The following TOP2B variants were observed in gnomAD, a reference collection of about 807,000 sequenced individuals.
TOP2B encodes the protein DNA topoisomerase 2-beta.
In TOP2B, 51 loss-of-function variants were observed where a neutral mutation model predicts 193.5. The ratio of observed to expected loss-of-function variants is 0.26; its 90% CI spans 0.21 to 0.33. The LOEUF is 0.33. Ranked by LOEUF, TOP2B falls within the 10% of genes least tolerant of loss-of-function variation. The pLI, the probability that TOP2B is intolerant of heterozygous loss-of-function variation, is 1.00. For synonymous variants in TOP2B, 634 were observed against 635.7 expected (o/e 1.00, Z 0.04); for missense variants, 1,378 against 1,909.3 (o/e 0.72, Z 5.19).
intron 18 of TOP2B, among the ~76,000 whole-genome samples, chr3:25,626,347 A>G (rs1213859784): frequency 6.6e-6 from 1 of 152,160 alleles, no homozygotes; most frequent in Non-Finnish European, 1.5e-5. Context: ...AAAAGGTTTA[A>G]AAGTTTCAAA....
At chr3:25,657,220 G>C (rs1199838217) in intron 1 of TOP2B, among the ~76,000 whole-genome samples, 6 of 152,164 alleles carry the variant, frequency 3.9e-5, no homozygotes, top group Non-Finnish European at 5.9e-5. Context: ...TTTGTCAGCA[G>C]AAAGTTGTCC....
intron 28 of TOP2B, among the ~76,000 whole-genome samples, chr3:25,611,609 G>A (rs1247618299): frequency 6.6e-6 from 1 of 152,070 alleles, no homozygotes; most frequent in Non-Finnish European, 1.5e-5. Flanking sequence ...TGTTTCCTCA[G>A]CTCTGAACAT....
intron 28 of TOP2B, among the ~76,000 whole-genome samples, chr3:25,610,362 G>A (rs1451064276): frequency 2.6e-5 from 4 of 152,002 alleles, no homozygotes; most frequent in East Asian, 3.9e-4. Flanking sequence ...TATAGAGGCT[G>A]GTACAGCCAT....
chr3:25,611,837 T>C (rs1277787862), intron 28 of TOP2B, among the ~76,000 whole-genome samples: 3 of 152,178 alleles, frequency 2.0e-5, no homozygotes, highest in Non-Finnish European at 4.4e-5. Flanking sequence ...CTCTAATGGA[T>C]TATGATGTAG....
intron 21 of TOP2B, among the ~76,000 whole-genome samples, chr3:25,622,174 C>CAAT (rs1491144244): frequency 1.3e-5 from 2 of 152,094 alleles, no homozygotes; most frequent in Admixed American, 6.5e-5. Flanking sequence ...CACCACTTAG[C>CAAT]ACAGTTTCAT....
In TOP2B at chr3:25,598,111, G is replaced by A. The variant is rs568031133; in HGVS notation, c.*196C>T. 25 of 508,158 alleles carry A rather than the reference G, an allele frequency of 4.9e-5. No individual in the cohort carries two copies. The highest frequency in any genetic ancestry group is 2.8e-4 in the South Asian group (9 of 31,774). The allele number at this position is 508,158 out of a possible 1,614,324, so 31.5% of individuals were successfully genotyped here. On this transcript the variant is annotated 3_prime_UTR_variant, in exon 36 of 36. Coordinates refer to ENST00000264331, the MANE Select transcript of TOP2B (RefSeq NM_001330700.2). ...ATTCTACAAGCCAATCAGACAGTAC[G>A]TGACATTTCAATGAGTAAAAAAGAG... is the stretch of plus-strand genomic sequence containing the variant.
intron 35 of TOP2B, among the ~76,000 whole-genome samples, chr3:25,598,798 C>T (rs1387577514): frequency 6.6e-6 from 1 of 152,076 alleles, no homozygotes; most frequent in African/African-American, 2.4e-5. Context: ...TTCAAGCTGT[C>T]CTACTGGTAA....
chr3:25,640,858 G>A (rs968830656), intron 4 of TOP2B, among the ~76,000 whole-genome samples: 10 of 147,918 alleles, frequency 6.8e-5, no homozygotes, highest in African/African-American at 2.5e-4. Flanking sequence ...CCAGGCTCAA[G>A]CAATCCTCCC....
intron 23 of TOP2B, 118 bp from the exon 24 acceptor site, chr3:25,618,967 C>T: frequency 1.5e-6 from 1 of 681,944 alleles, no homozygotes. Context: ...TGTGTGTGAA[C>T]ACAGACTACC....
chr3:25,642,276 T>G, intron 4 of TOP2B, 46 bp downstream of exon 4: 1 of 1,208,558 alleles, frequency 8.3e-7, no homozygotes, highest in South Asian at 1.4e-5. Flanking sequence ...TTGGGGACTA[T>G]CTGAATAAAA....
At chr3:25,646,491 T>C (rs1703419166) in intron 1 of TOP2B, among the ~76,000 whole-genome samples, 1 of 152,164 alleles carries the variant, frequency 6.6e-6, no homozygotes, top group Admixed American at 6.5e-5. Context: ...CTTGTCTTCT[T>C]AAGAGCAGCA....
In TOP2B at chr3:25,625,455, G is replaced by C. The variant is rs532491251; in HGVS notation, c.2225-652C>G. Among the ~76,000 whole-genome samples, 5 of 152,214 alleles carry C rather than the reference G, an allele frequency of 3.3e-5. No homozygotes were observed. The South Asian group carries it at 1.0e-3, about 32-fold the overall frequency. On this transcript the variant is annotated intron_variant, in intron 18 of 35. Transcript: ENST00000264331. ...TACCATTCTTCTTGCTCTAGGCCAA[G>C]CTTGTCCAACCCGTGGCCCGTGGGC...
At chr3:25,626,324 C>G (rs1575573151) in intron 18 of TOP2B, among the ~76,000 whole-genome samples, 1 of 151,766 alleles carries the variant, frequency 6.6e-6, no homozygotes, top group Non-Finnish European at 1.5e-5. Flanking sequence ...GTTAATTTTC[C>G]TGAAAAACTC....
At chr3:25,645,278 A>G in intron 2 of TOP2B, 22 bp downstream of exon 2, 1 of 1,505,734 alleles carries the variant, frequency 6.6e-7, no homozygotes. Context: ...TCCTAATTTC[A>G]ATCAATTTTA....
At chr3:25,641,531 A>G (rs933290718) in intron 4 of TOP2B, among the ~76,000 whole-genome samples, 23 of 131,072 alleles carry the variant, frequency 1.8e-4, no homozygotes, top group African/African-American at 7.4e-4. Context: ...TTAAAAAAAA[A>G]TGGAGAAAAA....
At position 25,606,117 on chromosome 3, in the gene TOP2B, G is replaced by A. The variant is rs1317130367; in HGVS notation, c.4304C>T (p.Ser1435Phe). ...ATCCTGACTTTTTTTGTCATGCAAA[G>A]ATTTTCTATTAGAAAGAAAATAAAC... ...PGKSKATPEK[S>F]LHDKKSQDFG... Residue 1435 changes from serine (S) to phenylalanine (F), a missense_variant, in exon 32 of 36, where the codon TCT (serine) becomes TTT (phenylalanine). Transcript: ENST00000264331. 5 of 1,471,408 alleles carry A rather than the reference G, an allele frequency of 3.4e-6. No homozygotes were observed. Among genetic ancestry groups the A allele is most frequent in the Non-Finnish European group, 3.7e-6 (4 of 1,090,226 alleles). 91.1% of individuals were successfully genotyped at this position (1,471,408 alleles called of 1,614,324 possible). A position where few individuals can be genotyped will look rare whatever the true frequency, so the allele number is the denominator to read the frequency against.
Position 25,638,315 on chromosome 3 carries a change from A to T in TOP2B, c.396-5T>A, listed in dbSNP as rs568934329. 2,181 of 227,520 alleles carry T rather than the reference A, an allele frequency of 9.6e-3. 66 individuals carry two copies. The African/African-American group carries it at 0.13, about 14-fold the overall frequency. 14.1% of individuals were successfully genotyped at this position (227,520 alleles called of 1,614,324 possible). On this transcript the variant is annotated splice_region_variant and splice_polypyrimidine_tract_variant and intron_variant, in intron 4 of 35. Transcript: ENST00000264331. Reference sequence around the variant, plus strand: ...ATGCTTATAATGTTAGATTCACTGTAAAAAAAAAAAAAAAAAAAAAAAAAA... The same window carrying T: ...ATGCTTATAATGTTAGATTCACTGTTAAAAAAAAAAAAAAAAAAAAAAAAA...
intron 4 of TOP2B, among the ~76,000 whole-genome samples, chr3:25,639,770 C>G (rs76092462): frequency 0.018 from 2,728 of 152,336 alleles, 38 homozygotes; most frequent in Middle Eastern, 0.044. Context: ...TGTATTTAAT[C>G]TGTTCTCAAG....
At chr3:25,609,445 G>A (rs897057778) in intron 29 of TOP2B, 101 bp from the exon 30 acceptor site, 29 of 1,457,390 alleles carry the variant, frequency 2.0e-5, no homozygotes, top group South Asian at 6.9e-5. Context: ...CAAAATAAAC[G>A]TTTATGAAAA....
Sources: allele counts gnomAD v4.1 joint callset (sites outside exome capture counted in the v4.1 genomes callset), GRCh38; gene constraint gnomAD v4.1.1; transcripts MANE v1.5; gene names NCBI Gene and HGNC (gene_info 2026-07-23, HGNC 2026-07-21).